Variants in PARD3 observed in about 807,000 individuals in gnomAD.
The protein encoded by PARD3 is partitioning defective 3 homolog.
PARD3 carries 75 observed loss-of-function variants against 155.4 expected under a neutral mutation model. The ratio of observed to expected loss-of-function variants is 0.48; its 90% CI spans 0.40 to 0.58. The LOEUF (loss-of-function observed/expected upper bound fraction) is 0.58, where lower values mean the gene tolerates loss of function less well. PARD3 is among the 20% of genes least tolerant of loss of function. PARD3 has a pLI of 0.00. For missense variants in PARD3, 1,642 were observed against 1,721.7 expected (o/e 0.95, Z 0.82); for synonymous variants, 576 against 610.5 (o/e 0.94, Z 0.83).
intron 21 of PARD3, among the ~76,000 whole-genome samples, chr10:34,276,234 T>A (rs1162679316): frequency 7.1e-5 from 6 of 83,998 alleles, no homozygotes; most frequent in African/African-American, 1.9e-4. Context: ...CATAAATACA[T>A]CTTTCCTTTT....
chr10:34,641,671 A>G (rs1254638443), intron 2 of PARD3, among the ~76,000 whole-genome samples: 3 of 152,076 alleles, frequency 2.0e-5, no homozygotes, highest in African/African-American at 7.2e-5. Flanking sequence ...AGTTCTCCAC[A>G]TGGCGGAGCA....
chr10:34,224,781 T>C (rs1952502688), intron 22 of PARD3, among the ~76,000 whole-genome samples: 1 of 152,166 alleles, frequency 6.6e-6, no homozygotes, highest in African/African-American at 2.4e-5. Flanking sequence ...TTCCAGGTTT[T>C]CTTAGACATG....
chr10:34,690,972 G>A (rs1278174020), intron 2 of PARD3, among the ~76,000 whole-genome samples: 5 of 152,170 alleles, frequency 3.3e-5, no homozygotes, highest in African/African-American at 9.7e-5. Context: ...CAGCACTTTG[G>A]GAGGTCGAGG....
intron 1 of PARD3, among the ~76,000 whole-genome samples, chr10:34,782,601 C>CTTTTATGTG (rs1243416951): frequency 6.6e-6 from 1 of 152,192 alleles, no homozygotes; most frequent in African/African-American, 2.4e-5. Context: ...TTCCTCTACA[C>CTTTTATGTG]ATAAAACACT....
chr10:34,616,421 T>C (rs1178733448), intron 2 of PARD3, among the ~76,000 whole-genome samples: 3 of 152,140 alleles, frequency 2.0e-5, no homozygotes, highest in Non-Finnish European at 4.4e-5. Flanking sequence ...CAACGAAATA[T>C]CTGCGTTCCC....
intron 2 of PARD3, among the ~76,000 whole-genome samples, chr10:34,586,459 A>C (rs191213301): frequency 6.6e-6 from 1 of 152,318 alleles, no homozygotes. Context: ...AGGTCTAAAG[A>C]TGTATGACTG....
intron 22 of PARD3, among the ~76,000 whole-genome samples, chr10:34,266,377 G>C (rs552533222): frequency 6.6e-6 from 1 of 152,274 alleles, no homozygotes; most frequent in South Asian, 2.1e-4. Context: ...GTGCTTTACA[G>C]GTATGATAAT....
chr10:34,317,247 C>T lies in PARD3; in HGVS notation c.2925G>A (p.Met975Ile), dbSNP rs771993217. ...DQPSHSLERQ[M>I]NGNQEKGDKT... ...TATCACCTTTCTCTTGGTTTCCATTCATTTGTCTCTCCAGAGAGTGGGAAG... is the reference window on the plus strand; with the variant it reads ...TATCACCTTTCTCTTGGTTTCCATTTATTTGTCTCTCCAGAGAGTGGGAAG... The change falls in exon 20 of 25, where the codon ATG becomes ATA. Residue 975 changes from methionine (M) to isoleucine (I), a missense_variant. This residue lies in a region of PARD3 where 1,529 missense variants were observed against 1,587.3 expected (regional missense o/e 0.96). Transcript: ENST00000374788. 13 of 1,613,508 alleles carry T rather than the reference C, an allele frequency of 8.1e-6. No individual in the cohort carries two copies. In the Admixed American group the frequency reaches 2.2e-4, roughly 27 times the overall value.
chr10:34,338,057 C>T (rs1836386080), intron 16 of PARD3, among the ~76,000 whole-genome samples: 2 of 152,222 alleles, frequency 1.3e-5, no homozygotes, highest in African/African-American at 2.4e-5. Context: ...AAGAAAGATT[C>T]CCTGTACTCT....
intron 22 of PARD3, among the ~76,000 whole-genome samples, chr10:34,149,111 T>C (rs1432456918): frequency 1.3e-5 from 2 of 152,108 alleles, no homozygotes; most frequent in African/African-American, 4.8e-5. Flanking sequence ...TGATTAAAAA[T>C]GGTGATGGTA....
chr10:34,269,062 A>G (rs1015694288), intron 22 of PARD3, among the ~76,000 whole-genome samples: 13 of 152,236 alleles, frequency 8.5e-5, no homozygotes, highest in Non-Finnish European at 1.6e-4. Flanking sequence ...TGTATCCTAT[A>G]AACATGTAAA....
In PARD3 at chr10:34,319,529, T is replaced by C. The variant is rs1221470992; in HGVS notation, c.2834-2191A>G. On this transcript the variant is annotated intron_variant, in intron 19 of 24. Transcript: ENST00000374788. ...GCTATTAAGATATAAATAGTAATTGTGCACGTTTATTAGAAGAAGCCAGTT... is the reference window on the plus strand; with the variant it reads ...GCTATTAAGATATAAATAGTAATTGCGCACGTTTATTAGAAGAAGCCAGTT... Among the ~76,000 whole-genome samples the C allele has an allele frequency of 4.6e-5, 7 of 152,246 alleles. No individual in the cohort carries two copies. In the South Asian group the frequency reaches 8.3e-4, roughly 18 times the overall value.
At chr10:34,505,663 T>C (rs1380448713) in intron 3 of PARD3, among the ~76,000 whole-genome samples, 3 of 152,170 alleles carry the variant, frequency 2.0e-5, no homozygotes. Flanking sequence ...TCTGATGACA[T>C]GGGGCAGGAT....
intron 23 of PARD3, among the ~76,000 whole-genome samples, chr10:34,122,491 T>C (rs7899786): frequency 0.25 from 38,107 of 151,794 alleles, 5,125 homozygotes; most frequent in Middle Eastern, 0.37. Context: ...TTAAAAGGAG[T>C]GAATGAGTTT....
At chr10:34,330,467 A>G (rs1835493880) in intron 19 of PARD3, among the ~76,000 whole-genome samples, 1 of 152,138 alleles carries the variant, frequency 6.6e-6, no homozygotes, top group African/African-American at 2.4e-5. Flanking sequence ...TAGTTTAGTT[A>G]TAGGAAAGAA....
At chr10:34,579,597 T>TC (rs2087245494) in intron 2 of PARD3, among the ~76,000 whole-genome samples, 1 of 151,620 alleles carries the variant, frequency 6.6e-6, no homozygotes, top group South Asian at 2.1e-4. Context: ...TGTGTGTGTT[T>TC]TGACACGGAG....
intron 2 of PARD3, among the ~76,000 whole-genome samples, chr10:34,589,122 G>A (rs574966166): frequency 2.0e-5 from 3 of 152,160 alleles, no homozygotes; most frequent in South Asian, 4.2e-4. Flanking sequence ...ATGACAAATG[G>A]TCCAAAACTC....
intron 1 of PARD3, among the ~76,000 whole-genome samples, chr10:34,699,728 GC>G (rs1244546266): frequency 7.2e-5 from 11 of 152,174 alleles, no homozygotes; most frequent in Non-Finnish European, 1.5e-4. Context: ...ACTTTAGAAG[GC>G]CAAGGCATAG....
At chr10:34,774,335 A>G (rs970712441) in intron 1 of PARD3, among the ~76,000 whole-genome samples, 3 of 152,222 alleles carry the variant, frequency 2.0e-5, no homozygotes, top group Non-Finnish European at 4.4e-5. Flanking sequence ...TAAGGTTAAG[A>G]CAAAATTATC....
Sources: gnomAD v4.1 joint callset for allele counts (sites outside exome capture counted in the v4.1 genomes callset) on GRCh38, gnomAD v4.1.1 for gene constraint, gnomAD v4.1.1 regional missense constraint, MANE v1.5 for transcripts, NCBI Gene and HGNC (gene_info 2026-07-23, HGNC 2026-07-21) for gene names.